Variants in LDLRAD4 observed in about 807,000 individuals in gnomAD.
LDLRAD4 encodes low-density lipoprotein receptor class A domain-containing protein 4.
A neutral mutation model predicts 17.0 loss-of-function variants in LDLRAD4; 5 were observed. That is an observed-to-expected ratio of 0.29 (90% confidence interval 0.15 to 0.62). The LOEUF (loss-of-function observed/expected upper bound fraction) is 0.62, where lower values mean the gene tolerates loss of function less well. LDLRAD4 is among the 20% of genes least tolerant of loss of function. LDLRAD4 has a pLI of 0.84. For synonymous variants in LDLRAD4, 168 were observed against 171.8 expected (o/e 0.98, Z 0.17); for missense variants, 340 against 424.7 (o/e 0.80, Z 1.75).
chr18:13,392,997 G>T (rs1377139313), intron 2 of LDLRAD4, among the ~76,000 whole-genome samples: 3 of 152,204 alleles, frequency 2.0e-5, no homozygotes, highest in Non-Finnish European at 4.4e-5. Context: ...AAATGGAATA[G>T]TTGGAGCTGT....
At chr18:13,620,298 C>G (rs986500219) in intron 3 of LDLRAD4, among the ~76,000 whole-genome samples, 1 of 152,200 alleles carries the variant, frequency 6.6e-6, no homozygotes, top group Non-Finnish European at 1.5e-5. Context: ...CTCCTGCCTC[C>G]CCCAGATTCC....
At chr18:13,457,194 C>A (rs565216559) in intron 3 of LDLRAD4, among the ~76,000 whole-genome samples, 95 of 152,376 alleles carry the variant, frequency 6.2e-4, no homozygotes, top group Non-Finnish European at 1.1e-3. Flanking sequence ...GGGGTTCTCA[C>A]AACCCCCTTG....
At chr18:13,360,683 T>C (rs1284160106) in intron 1 of LDLRAD4, among the ~76,000 whole-genome samples, 1 of 152,228 alleles carries the variant, frequency 6.6e-6, no homozygotes, top group Non-Finnish European at 1.5e-5. Flanking sequence ...AGAGAAAATC[T>C]CTGGTATCAT....
At chr18:13,294,676 G>C (rs896305208) in intron 1 of LDLRAD4, among the ~76,000 whole-genome samples, 2 of 152,118 alleles carry the variant, frequency 1.3e-5, no homozygotes, top group African/African-American at 2.4e-5. Flanking sequence ...GGACACAGGC[G>C]GATGAGGAGG....
At chr18:13,231,236 G>C (rs2042055913) in intron 1 of LDLRAD4, among the ~76,000 whole-genome samples, 1 of 152,228 alleles carries the variant, frequency 6.6e-6, no homozygotes, top group Non-Finnish European at 1.5e-5. Context: ...AAGGGCAAGA[G>C]GGGTCTGGAC....
exon 5 of LDLRAD4, chr18:13,643,395 C>G (rs752629572): frequency 1.7e-6 from 2 of 1,171,594 alleles, no homozygotes; most frequent in African/African-American, 3.6e-5. Flanking sequence ...CGCCGCACCG[C>G]GGCTGGGCGC....
intron 2 of LDLRAD4, among the ~76,000 whole-genome samples, chr18:13,394,641 G>A (rs1315419903): frequency 2.0e-5 from 3 of 152,180 alleles, no homozygotes; most frequent in Non-Finnish European, 2.9e-5. Flanking sequence ...CTTCGTGATG[G>A]TGACTGCTCA....
At chr18:13,540,018 G>A (rs1262432510) in intron 3 of LDLRAD4, among the ~76,000 whole-genome samples, 1 of 152,170 alleles carries the variant, frequency 6.6e-6, no homozygotes, top group East Asian at 1.9e-4. Flanking sequence ...GGTTGGGGCC[G>A]ATGGAGCCAG....
intron 3 of LDLRAD4, among the ~76,000 whole-genome samples, chr18:13,483,637 G>A (rs1785113): frequency 0.66 from 100,726 of 152,108 alleles, 33,483 homozygotes; most frequent in Admixed American, 0.7. Flanking sequence ...GTGTTTGCCG[G>A]ATGCTTACCA....
At chr18:13,589,151 C>G (rs2094975508) in intron 3 of LDLRAD4, among the ~76,000 whole-genome samples, 1 of 152,066 alleles carries the variant, frequency 6.6e-6, no homozygotes, top group Non-Finnish European at 1.5e-5. Flanking sequence ...CCAGGCTGGT[C>G]TCGAACTCCT....
At chr18:13,644,129 C>G (rs957785286) in intron 5 of LDLRAD4, among the ~76,000 whole-genome samples, 1 of 152,042 alleles carries the variant, frequency 6.6e-6, no homozygotes, top group Non-Finnish European at 1.5e-5. Context: ...CTGGAAAAGT[C>G]TAGGAGCCAC....
At chr18:13,612,675 G>C in intron 3 of LDLRAD4, 1 of 1,613,844 alleles carries the variant, frequency 6.2e-7, no homozygotes, top group Non-Finnish European at 8.5e-7. Flanking sequence ...CTGCGTCACA[G>C]TTGGACTCCC....
chr18:13,256,800 G>A (rs1371506085), intron 1 of LDLRAD4, among the ~76,000 whole-genome samples: 1 of 152,230 alleles, frequency 6.6e-6, no homozygotes, highest in East Asian at 1.9e-4. Flanking sequence ...CAGGGGTTAG[G>A]TGAATGGAGG....
At chr18:13,223,434 A>G (rs2041575780) in intron 1 of LDLRAD4, among the ~76,000 whole-genome samples, 2 of 151,958 alleles carry the variant, frequency 1.3e-5, no homozygotes, top group African/African-American at 4.8e-5. Flanking sequence ...TTTTTGCCAC[A>G]CTGTGTGGCT....
At position 13,374,328 on chromosome 18, in the gene LDLRAD4, G is replaced by T. The variant is rs916736544; in HGVS notation, c.-382-13013G>T. Among the ~76,000 whole-genome samples the T allele has an allele frequency of 2.0e-5, 3 of 152,230 alleles. No homozygotes were observed. The East Asian group carries it at 5.8e-4, about 29-fold the overall frequency. ...GCTGGGTCATGGACTGCAGGCTGCC[G>T]ATGGGAGCAAGCTCTCATGCAGGAG... On this transcript the variant is annotated intron_variant, in intron 1 of 5. Transcript: ENST00000359446.
chr18:13,503,047 C>T lies in LDLRAD4; in HGVS notation c.181+64663C>T, dbSNP rs1368640218. On this transcript the variant is annotated intron_variant, in intron 3 of 5. Coordinates refer to ENST00000359446, the Ensembl canonical transcript of LDLRAD4. ...TGAACCTGAGAGGCTGATGGTATTA[C>T]ATGGAATTCCAAGTTTCGACTGCAT... 3.9e-5 allele frequency among the ~76,000 whole-genome samples: 6 copies of T among 152,226 alleles called. No individual in the cohort carries two copies. The East Asian group carries it at 1.2e-3, about 29-fold the overall frequency.
intron 3 of LDLRAD4, chr18:13,471,055 C>T (rs954562879): frequency 6.6e-6 from 1 of 152,204 alleles, no homozygotes; most frequent in African/African-American, 2.4e-5. Context: ...ACTTGGGGAT[C>T]TCTTTGCAAA....
At chr18:13,498,550 G>T (rs1427417567) in intron 3 of LDLRAD4, among the ~76,000 whole-genome samples, 1 of 97,958 alleles carries the variant, frequency 1.0e-5, no homozygotes, top group African/African-American at 4.0e-5. Flanking sequence ...AATCCTTCTC[G>T]CCACACACGT....
chr18:13,612,527 C>G, intron 3 of LDLRAD4: 1 of 1,418,036 alleles, frequency 7.1e-7, no homozygotes, highest in Non-Finnish European at 9.2e-7. Flanking sequence ...AGAGAGTGAA[C>G]GAGGCAGACA....
Sources: gnomAD v4.1 joint callset for allele counts (sites outside exome capture counted in the v4.1 genomes callset) on GRCh38, gnomAD v4.1.1 for gene constraint, MANE v1.5 for transcripts, NCBI Gene and HGNC (gene_info 2026-07-23, HGNC 2026-07-21) for gene names.